Variants in DPP6 observed in about 807,000 individuals in gnomAD.
DPP6 encodes A-type potassium channel modulatory protein DPP6.
DPP6 carries 69 observed loss-of-function variants against 122.6 expected under a neutral mutation model. The observed-to-expected ratio is 0.56, with a 90% CI of 0.46 to 0.69. The LOEUF (loss-of-function observed/expected upper bound fraction) is 0.69. Ranked by LOEUF, DPP6 falls within the 30% of genes least tolerant of loss-of-function variation. DPP6 has a pLI of 0.00. For synonymous variants in DPP6, 418 were observed against 433.1 expected (o/e 0.97, Z 0.43); for missense variants, 928 against 1,116.9 (o/e 0.83, Z 2.41).
intron 1 of DPP6, among the ~76,000 whole-genome samples, chr7:154,425,589 A>G (rs1345543216): frequency 7.0e-6 from 1 of 143,212 alleles, no homozygotes; most frequent in Admixed American, 7.1e-5. Flanking sequence ...TTTATAGGTT[A>G]GTTTGGGGAA....
At chr7:154,795,511 A>AT (rs1211026622) in intron 11 of DPP6, among the ~76,000 whole-genome samples, 1 of 152,140 alleles carries the variant, frequency 6.6e-6, no homozygotes, top group African/African-American at 2.4e-5. Flanking sequence ...AGATGGACAC[A>AT]TGCCCGGGCA....
Position 154,889,132 on chromosome 7 carries a change from G to A in DPP6, c.2305-140G>A, listed in dbSNP as rs889664179. ...GACATCTGCCCTGCATTTCTTTGCAGATATAAGGCATCCCGGTTCTCCGGG... is the reference window on the plus strand; with the variant it reads ...GACATCTGCCCTGCATTTCTTTGCAAATATAAGGCATCCCGGTTCTCCGGG... On this transcript the variant is annotated intron_variant, in intron 23 of 25. Coordinates refer to ENST00000377770, the MANE Select transcript of DPP6 (RefSeq NM_130797.4). The A allele has an allele frequency of 3.0e-6, 4 of 1,355,792 alleles. No individual in the cohort carries two copies. The African/African-American group carries it at 4.4e-5, about 15-fold the overall frequency. 84.0% of individuals were successfully genotyped at this position (1,355,792 alleles called of 1,614,324 possible). A position where few individuals can be genotyped will look rare whatever the true frequency, so the allele number is the denominator to read the frequency against.
At chr7:154,825,853 A>G (rs1028490118) in intron 16 of DPP6, among the ~76,000 whole-genome samples, 3 of 152,210 alleles carry the variant, frequency 2.0e-5, no homozygotes, top group East Asian at 3.8e-4. Flanking sequence ...GAAAACAAAG[A>G]TCAGGGTCAC....
chr7:154,363,733 A>G (rs1811927308), intron 1 of DPP6, among the ~76,000 whole-genome samples: 1 of 152,160 alleles, frequency 6.6e-6, no homozygotes, highest in Non-Finnish European at 1.5e-5. Flanking sequence ...TCATTTGAAC[A>G]TTTGGCCATC....
chr7:153,792,773 T>A, the DPP6 span, among the ~76,000 whole-genome samples: 340 of 151,694 alleles, frequency 2.2e-3, no homozygotes, highest in African/African-American at 7.6e-3. Context: ...TCAACTTGAA[T>A]TGTATCTCCC....
chr7:154,197,486 C>T (rs1798928300), intron 1 of DPP6, among the ~76,000 whole-genome samples: 1 of 152,130 alleles, frequency 6.6e-6, no homozygotes, highest in African/African-American at 2.4e-5. Context: ...GACCTTCCCT[C>T]GGAACACCCG....
In DPP6 at chr7:154,880,932, T is replaced by C. The variant is rs1805339567; in HGVS notation, c.2123T>C (p.Val708Ala). The change falls in exon 21 of 26, where the codon GTG becomes GCG. Residue 708 changes from valine to alanine, a missense_variant. Coordinates refer to ENST00000377770, the MANE Select transcript of DPP6 (RefSeq NM_130797.4). ...TACATTGACAGGACGCGCGTGGCCGTGTTTGGGAAGGTGAGTCTGCGCCAC... is the reference window on the plus strand; with the variant it reads ...TACATTGACAGGACGCGCGTGGCCGCGTTTGGGAAGGTGAGTCTGCGCCAC... ...EQYIDRTRVAVFGKDYGGYLS... is the reference protein window; with the variant it reads ...EQYIDRTRVAAFGKDYGGYLS... 1.2e-6 allele frequency: 2 copies of C among 1,613,828 alleles called. No homozygotes were observed. Among genetic ancestry groups the C allele is most frequent in the African/African-American group, 1.3e-5 (1 of 74,918 alleles).
At chr7:154,549,283 A>G (rs1829452236) in intron 4 of DPP6, among the ~76,000 whole-genome samples, 1 of 151,982 alleles carries the variant, frequency 6.6e-6, no homozygotes, top group Non-Finnish European at 1.5e-5. Context: ...AGTGAAGGGG[A>G]CTCCTCATAT....
intron 7 of DPP6, among the ~76,000 whole-genome samples, chr7:154,685,513 G>A (rs1003077235): frequency 6.6e-6 from 1 of 152,198 alleles, no homozygotes. Context: ...AGCATCCTGG[G>A]TTTAGATGCT....
At chr7:153,994,545 G>A (rs1797338787) in intron 1 of DPP6, among the ~76,000 whole-genome samples, 1 of 152,118 alleles carries the variant, frequency 6.6e-6, no homozygotes, top group Admixed American at 6.5e-5. Flanking sequence ...TAGACTTGCA[G>A]GAAACATACA....
the DPP6 span, among the ~76,000 whole-genome samples, chr7:153,811,780 C>T: frequency 8.6e-4 from 131 of 152,298 alleles, no homozygotes; most frequent in Non-Finnish European, 1.6e-3. Flanking sequence ...GCCTTATGCA[C>T]CTGCTGTGTT....
intron 1 of DPP6, among the ~76,000 whole-genome samples, chr7:154,425,638 G>T (rs2151240294): frequency 6.6e-6 from 1 of 151,300 alleles, no homozygotes; most frequent in African/African-American, 2.4e-5. Context: ...GTGTGTGTGT[G>T]TGTGTGTGTG....
chr7:154,061,671 C>G (rs1262903720), intron 1 of DPP6, among the ~76,000 whole-genome samples: 2 of 142,826 alleles, frequency 1.4e-5, no homozygotes, highest in East Asian at 4.1e-4. Context: ...CCCTCTTCCC[C>G]CCCTGGCTCT....
intron 5 of DPP6, among the ~76,000 whole-genome samples, chr7:154,602,002 G>T (rs1833425050): frequency 8.2e-6 from 1 of 121,268 alleles, no homozygotes; most frequent in Non-Finnish European, 1.9e-5. Flanking sequence ...AGTAATTGTG[G>T]TTCTTGCCAG....
At chr7:153,766,806 T>TA in the DPP6 span, among the ~76,000 whole-genome samples, 16 of 152,100 alleles carry the variant, frequency 1.1e-4, no homozygotes, top group Admixed American at 2.6e-4. Flanking sequence ...AAAAGTTTTT[T>TA]AAAAAAACAA....
At chr7:154,317,681 T>C (rs1402831181) in intron 1 of DPP6, among the ~76,000 whole-genome samples, 2 of 152,246 alleles carry the variant, frequency 1.3e-5, no homozygotes, top group Non-Finnish European at 2.9e-5. Flanking sequence ...TTCTGAAGAA[T>C]TATGGCCCCA....
intron 2 of DPP6, among the ~76,000 whole-genome samples, chr7:154,451,344 G>A (rs1027822953): frequency 7.5e-6 from 1 of 132,534 alleles, no homozygotes; most frequent in South Asian, 2.5e-4. Flanking sequence ...TGGCAACAGA[G>A]CAAGAGCCTG....
At chr7:153,965,547 G>A (rs143127905) in intron 1 of DPP6, among the ~76,000 whole-genome samples, 1 of 152,048 alleles carries the variant, frequency 6.6e-6, no homozygotes, top group Non-Finnish European at 1.5e-5. Context: ...GAGTCTCGCT[G>A]TGTCCCCCAG....
chr7:154,062,323 G>A (rs530039645), intron 1 of DPP6, among the ~76,000 whole-genome samples: 59 of 60,884 alleles, frequency 9.7e-4, no homozygotes, highest in African/African-American at 1.8e-3. Flanking sequence ...CCCATCGCAG[G>A]AGGGGGAGGC....
Sources: gnomAD v4.1 joint callset for allele counts (sites outside exome capture counted in the v4.1 genomes callset) on GRCh38, gnomAD v4.1.1 for gene constraint, MANE v1.5 for transcripts, NCBI Gene and HGNC (gene_info 2026-07-23, HGNC 2026-07-21) for gene names.